The following TMEM67 variants were observed in gnomAD, a reference collection of about 807,000 sequenced individuals.
TMEM67 encodes meckelin.
TMEM67 carries 124 observed loss-of-function variants against 136.6 expected under a neutral mutation model. The observed-to-expected ratio is 0.91, with a 90% CI of 0.78 to 1.05. The LOEUF (loss-of-function observed/expected upper bound fraction) is 1.05, where lower values mean the gene tolerates loss of function less well. Among genes scored for constraint, TMEM67 ranks in the 50% least tolerant of loss-of-function variants. TMEM67 has a pLI of 0.00. For synonymous variants in TMEM67, 364 were observed against 390.5 expected (o/e 0.93, Z 0.80); for missense variants, 1,107 against 1,178.4 (o/e 0.94, Z 0.89).
At chr8:93,822,402 A>T (rs527693644), downstream of TMEM67, among the ~76,000 whole-genome samples, 4 of 152,320 alleles carry the variant, frequency 2.6e-5, no homozygotes, top group African/African-American at 9.6e-5. Flanking sequence ...AAGTGAGGGG[A>T]TTCGCGTTAA....
chr8:93,787,901 T>G lies in TMEM67; in HGVS notation c.1470T>G (p.Ile490Met). 1 of 1,614,098 alleles carries G rather than the reference T, an allele frequency of 6.2e-7. No individual in the cohort carries two copies. The highest frequency in any genetic ancestry group is 8.5e-7 in the Non-Finnish European group (1 of 1,179,978). Residue 490 changes from isoleucine to methionine, a missense_variant, in exon 14 of 28, where the codon ATT (isoleucine) becomes ATG (methionine). Coordinates refer to ENST00000453321, the MANE Select transcript of TMEM67 (RefSeq NM_153704.6). ...NGNIYPPLITIAYSDIDIKDA... is the reference protein window; with the variant it reads ...NGNIYPPLITMAYSDIDIKDA... ...ACATCTACCCTCCCTTAATCACCATTGCCTACAGTGACATTGATATCAAAG... is the reference window on the plus strand; with the variant it reads ...ACATCTACCCTCCCTTAATCACCATGGCCTACAGTGACATTGATATCAAAG...
Position 93,803,601 on chromosome 8 carries a change from C to T in TMEM67, c.2242-3C>T. 1 of 1,576,256 alleles carries T rather than the reference C, an allele frequency of 6.3e-7. No individual in the cohort carries two copies. The highest frequency in any genetic ancestry group is 8.7e-7 in the Non-Finnish European group (1 of 1,145,914). On this transcript the variant is annotated splice_region_variant and splice_polypyrimidine_tract_variant and intron_variant, in intron 21 of 27. Transcript: ENST00000453321. ...TAAGCATAAACTTGACTTAATGTTT[C>T]AGGTCGTGTTCTTTGCTGTCTTTTA...
intron 21 of TMEM67, among the ~76,000 whole-genome samples, chr8:93,801,400 ATT>A (rs56967457): frequency 2.4e-4 from 34 of 139,634 alleles, no homozygotes; most frequent in Admixed American, 5.0e-4. Context: ...ACACCCAGCA[ATT>A]TTTTTTTTTT....
the TMEM67 span, among the ~76,000 whole-genome samples, chr8:93,826,079 A>G: frequency 2.9e-5 from 4 of 137,390 alleles, no homozygotes; most frequent in South Asian, 5.3e-4. Flanking sequence ...TTCCATAATG[A>G]TGTGTTCAGT....
intron 24 of TMEM67, 27 bp from the exon 25 acceptor site, chr8:93,809,030 T>A: frequency 2.6e-6 from 4 of 1,542,062 alleles, no homozygotes; most frequent in South Asian, 2.2e-5. Context: ...CATAACACTT[T>A]GTATTCATTT....
At chr8:93,776,628 G>A (rs1250419854) in intron 7 of TMEM67, among the ~76,000 whole-genome samples, 1 of 152,186 alleles carries the variant, frequency 6.6e-6, no homozygotes. Context: ...TTTTGTCATT[G>A]GTTCTGTTTA....
At chr8:93,759,803 C>T in intron 3 of TMEM67, 1 of 428,940 alleles carries the variant, frequency 2.3e-6, no homozygotes, top group Non-Finnish European at 4.3e-6. Flanking sequence ...CATGTGCCAC[C>T]ACACCTGGCT....
chr8:93,776,411 G>C (rs999452877), intron 7 of TMEM67, among the ~76,000 whole-genome samples: 1 of 152,114 alleles, frequency 6.6e-6, no homozygotes, highest in Non-Finnish European at 1.5e-5. Flanking sequence ...GGTGAGAGAG[G>C]GCATCCCTGT....
At chr8:93,791,144 T>C in intron 14 of TMEM67, 119 bp from the exon 15 acceptor site, 1 of 672,400 alleles carries the variant, frequency 1.5e-6, no homozygotes, top group Non-Finnish European at 2.6e-6. Context: ...CTAGTAATAT[T>C]GATAGTTAAA....
chr8:93,781,770 T>C (rs768511622), intron 10 of TMEM67, 26 bp downstream of exon 10: 2 of 1,359,876 alleles, frequency 1.5e-6, no homozygotes, highest in Non-Finnish European at 2.1e-6. Flanking sequence ...GTTAAAGAAT[T>C]AATAACATGC....
At chr8:93,804,180 T>C (rs1814996216) in intron 22 of TMEM67, among the ~76,000 whole-genome samples, 2 of 152,040 alleles carry the variant, frequency 1.3e-5, no homozygotes. Flanking sequence ...CCTGTTTTTT[T>C]CATCTTTATT....
At chr8:93,802,964 G>A (rs1252092589) in intron 21 of TMEM67, among the ~76,000 whole-genome samples, 1 of 152,152 alleles carries the variant, frequency 6.6e-6, no homozygotes, top group Non-Finnish European at 1.5e-5. Flanking sequence ...GTAACTAGAA[G>A]GGAGGGGAGT....
intron 4 of TMEM67, 46 bp downstream of exon 4, chr8:93,763,987 T>C (rs1453835592): frequency 8.4e-7 from 1 of 1,185,672 alleles, no homozygotes; most frequent in Non-Finnish European, 1.3e-6. Flanking sequence ...CATCTTATAT[T>C]AGTGTATAAT....
intron 23 of TMEM67, among the ~76,000 whole-genome samples, chr8:93,808,503 G>GATATTTATCTATAATAAATCTATTATAT (rs1808542851): frequency 7.2e-6 from 1 of 138,910 alleles, no homozygotes; most frequent in Non-Finnish European, 1.6e-5. Context: ...ATCTATTATA[G>GATATTTATCTATAATAAATCTATTATAT]ATGAATATAT....
chr8:93,822,337 C>T (rs1809052790), downstream of TMEM67, among the ~76,000 whole-genome samples: 1 of 152,148 alleles, frequency 6.6e-6, no homozygotes, highest in South Asian at 2.1e-4. Context: ...CTTAAAATAC[C>T]ATGTGTGGGC....
chr8:93,780,577 C>T lies in TMEM67; in HGVS notation c.715-16C>T, dbSNP rs1813771021. On this transcript the variant is annotated splice_polypyrimidine_tract_variant and intron_variant, in intron 7 of 27. Transcript: ENST00000453321. Reference sequence around the variant, plus strand: ...TCAGGTTCATGTTACTTTTCTTTGCCATTGTTCTGTTGTAGGTATATGCCA... The same window carrying T: ...TCAGGTTCATGTTACTTTTCTTTGCTATTGTTCTGTTGTAGGTATATGCCA... The T allele has an allele frequency of 1.9e-6, 3 of 1,613,882 alleles. No homozygotes were observed. In the East Asian group the frequency reaches 6.7e-5, roughly 36 times the overall value.
intron 21 of TMEM67, among the ~76,000 whole-genome samples, chr8:93,802,866 G>A (rs1476210214): frequency 6.6e-6 from 1 of 152,112 alleles, no homozygotes; most frequent in African/African-American, 2.4e-5. Context: ...TGGATGCTGT[G>A]CTGAGCTTAT....
intron 23 of TMEM67, among the ~76,000 whole-genome samples, chr8:93,807,640 T>G (rs1052565882): frequency 6.6e-6 from 1 of 152,110 alleles, no homozygotes; most frequent in African/African-American, 2.4e-5. Context: ...GTATTTCTCT[T>G]TATTTTGTAA....
intron 7 of TMEM67, among the ~76,000 whole-genome samples, chr8:93,774,500 A>C (rs984546831): frequency 2.6e-5 from 4 of 152,050 alleles, no homozygotes; most frequent in African/African-American, 7.2e-5. Context: ...TCCTAATGCT[A>C]TCCCTCGCCC....
Sources: allele counts gnomAD v4.1 joint callset (sites outside exome capture counted in the v4.1 genomes callset), GRCh38; gene constraint gnomAD v4.1.1; transcripts MANE v1.5; gene names NCBI Gene and HGNC (gene_info 2026-07-23, HGNC 2026-07-21).